PTK2: variants seen among roughly 807,000 people sequenced by gnomAD.
PTK2 encodes focal adhesion kinase 1.
In PTK2, 45 loss-of-function variants were observed where a neutral mutation model predicts 150.1. That is an observed-to-expected ratio of 0.30 (90% CI 0.24 to 0.38). PTK2 has a LOEUF of 0.38. Ranked by LOEUF, PTK2 falls within the 10% of genes least tolerant of loss-of-function variation. The pLI is 1.00. For missense variants in PTK2, 919 were observed against 1,307.3 expected (o/e 0.70, Z 4.58); for synonymous variants, 432 against 449.2 (o/e 0.96, Z 0.48).
At chr8:140,773,356 G>A (rs568456410) in intron 14 of PTK2, among the ~76,000 whole-genome samples, 16 of 152,294 alleles carry the variant, frequency 1.1e-4, no homozygotes, top group African/African-American at 2.9e-4. Flanking sequence ...TTGAGCTTAC[G>A]TTCTAGTAAG....
intron 2 of PTK2, among the ~76,000 whole-genome samples, chr8:140,917,560 T>C (rs6987946): frequency 0.42 from 63,832 of 152,022 alleles, 14,155 homozygotes; most frequent in South Asian, 0.55. Flanking sequence ...AAGTTTGACA[T>C]GGAAGATTTA....
intron 22 of PTK2, among the ~76,000 whole-genome samples, chr8:140,729,128 T>C (rs568452515): frequency 2.0e-5 from 3 of 152,274 alleles, no homozygotes; most frequent in Admixed American, 2.0e-4. Flanking sequence ...GCTATAACCC[T>C]GACCAAACAC....
chr8:140,779,995 A>C (rs1411447080), intron 14 of PTK2, among the ~76,000 whole-genome samples: 1 of 152,158 alleles, frequency 6.6e-6, no homozygotes, highest in Non-Finnish European at 1.5e-5. Context: ...ACAAATTCAT[A>C]CTGATATTTT....
chr8:140,832,893 ACACGT>A, intron 7 of PTK2: 1 of 519,004 alleles, frequency 1.9e-6, no homozygotes, highest in South Asian at 1.4e-5. Flanking sequence ...AAGGCAACAC[ACACGT>A]CAGTATTTGG....
chr8:140,930,295 C>CA (rs565714678), intron 1 of PTK2, among the ~76,000 whole-genome samples: 7 of 151,986 alleles, frequency 4.6e-5, no homozygotes, highest in East Asian at 1.9e-4. Flanking sequence ...AGAAACATAT[C>CA]AAAAAAATAA....
intron 26 of PTK2, among the ~76,000 whole-genome samples, chr8:140,694,292 C>T (rs190758056): frequency 0.014 from 2,202 of 152,166 alleles, 28 homozygotes; most frequent in Non-Finnish European, 0.02. Context: ...CCGTCTGCCT[C>T]GGCCTCCCAA....
intron 1 of PTK2, among the ~76,000 whole-genome samples, chr8:140,965,324 A>G (rs971908859): frequency 1.3e-5 from 2 of 152,116 alleles, no homozygotes; most frequent in Admixed American, 1.3e-4. Context: ...TCTTCTTCCC[A>G]TTGCTTAACT....
intron 7 of PTK2, chr8:140,833,112 T>C (rs887296965): frequency 5.8e-6 from 3 of 515,380 alleles, no homozygotes; most frequent in African/African-American, 5.8e-5. Flanking sequence ...GAAGCATATG[T>C]TTTTTGAAAA....
chr8:140,998,333 A>G (rs2100198570), intron 1 of PTK2, among the ~76,000 whole-genome samples: 1 of 152,216 alleles, frequency 6.6e-6, no homozygotes, highest in South Asian at 2.1e-4. Flanking sequence ...AAATTAAGAC[A>G]TCATAAAATA....
chr8:140,842,006 A>T (rs977805805), intron 7 of PTK2, among the ~76,000 whole-genome samples: 1 of 152,042 alleles, frequency 6.6e-6, no homozygotes, highest in African/African-American at 2.4e-5. Flanking sequence ...ATACTAATGT[A>T]TATTTTTATT....
chr8:140,989,009 C>CAA (rs34982618), intron 1 of PTK2, among the ~76,000 whole-genome samples: 7 of 150,180 alleles, frequency 4.7e-5, no homozygotes, highest in East Asian at 1.9e-4. Context: ...GTGGGGAAGA[C>CAA]AAAAAAAAGG....
At chr8:140,697,737 C>CATATAT (rs113912742) in intron 26 of PTK2, among the ~76,000 whole-genome samples, 17 of 151,292 alleles carry the variant, frequency 1.1e-4, no homozygotes, top group African/African-American at 4.1e-4. Context: ...GTCTATCATT[C>CATATAT]ATATATATTT....
chr8:140,844,629 T>C (rs1049278975), intron 7 of PTK2, among the ~76,000 whole-genome samples: 5 of 152,194 alleles, frequency 3.3e-5, no homozygotes, highest in Non-Finnish European at 5.9e-5. Context: ...TCCTTCTTTC[T>C]GGCACTACAA....
At chr8:140,692,588 G>T (rs1041529766) in intron 26 of PTK2, among the ~76,000 whole-genome samples, 1 of 151,836 alleles carries the variant, frequency 6.6e-6, no homozygotes. Flanking sequence ...TTTCACTCCA[G>T]CCTGGGGGAC....
intron 8 of PTK2, among the ~76,000 whole-genome samples, chr8:140,829,648 A>C (rs1256748223): frequency 1.3e-5 from 2 of 152,178 alleles, no homozygotes; most frequent in Admixed American, 1.3e-4. Context: ...ATGTAGAATA[A>C]GATCTTTGAA....
At chr8:140,818,162 A>G in intron 10 of PTK2, 115 bp downstream of exon 10, 1 of 916,512 alleles carries the variant, frequency 1.1e-6, no homozygotes, top group East Asian at 2.5e-5. Flanking sequence ...CAATAAATGC[A>G]GTGCAATAGG....
intron 17 of PTK2, among the ~76,000 whole-genome samples, chr8:140,750,806 C>T (rs1478992471): frequency 2.6e-5 from 4 of 152,162 alleles, no homozygotes; most frequent in African/African-American, 2.4e-5. Context: ...TTTCTAAGGG[C>T]TGGGCACAGT....
chr8:140,720,187 G>A (rs1049004025), intron 22 of PTK2, among the ~76,000 whole-genome samples: 5 of 151,946 alleles, frequency 3.3e-5, no homozygotes, highest in African/African-American at 9.7e-5. Flanking sequence ...AATGCTTTCT[G>A]TCCATTTCTT....
chr8:140,735,016 G>T (rs963565245), intron 22 of PTK2: 10 of 556,198 alleles, frequency 1.8e-5, no homozygotes, highest in Non-Finnish European at 3.2e-5. Flanking sequence ...AGAAGCTAGG[G>T]GAGAGAGATT....
Sources: gnomAD v4.1 joint callset for allele counts (sites outside exome capture counted in the v4.1 genomes callset) on GRCh38, gnomAD v4.1.1 for gene constraint, MANE v1.5 for transcripts, NCBI Gene and HGNC (gene_info 2026-07-23, HGNC 2026-07-21) for gene names.